POR: variants seen among roughly 807,000 people sequenced by gnomAD.
POR encodes the protein cytochrome p450 oxidoreductase, also known as NADPH--cytochrome P450 reductase.
A neutral mutation model predicts 84.0 loss-of-function variants in POR; 56 were observed. That is an observed-to-expected ratio of 0.67 (90% CI 0.54 to 0.83). The LOEUF (loss-of-function observed/expected upper bound fraction) is 0.83. Among genes scored for constraint, POR ranks in the 40% least tolerant of loss-of-function variants. The pLI is 0.00. For synonymous variants in POR, 414 were observed against 400.5 expected, an observed-to-expected ratio of 1.03 and a Z score of -0.40; for missense variants, 938 against 944.3, an observed-to-expected ratio of 0.99 and a Z score of 0.09.
At chr7:75,980,637 C>T in intron 5 of POR, 149 bp downstream of exon 5, 1 of 1,562,900 alleles carries the variant, frequency 6.4e-7, no homozygotes, top group Non-Finnish European at 8.6e-7. Context: ...CTCTCCTCTG[C>T]CCCAGACCCC....
In POR at chr7:75,986,344, C is replaced by A. The variant is rs782380878; in HGVS notation, c.1906C>A (p.Arg636=). The change falls in exon 16 of 16, where the codon CGG becomes AGG. Residue 636 remains arginine (R), a synonymous_variant. Transcript: ENST00000461988. ...CCCCCTCTTCCTGCCCAGGGATGCA[C>A]GGAACATGGCCAGGGATGTGCAGAA... 2 of 1,612,502 alleles carry A rather than the reference C, an allele frequency of 1.2e-6. No individual in the cohort carries two copies. Among genetic ancestry groups the A allele is most frequent in the South Asian group, 2.2e-5 (2 of 91,076 alleles).
At chr7:75,978,990 T>G (rs1210327504) in intron 3 of POR, among the ~76,000 whole-genome samples, 2 of 151,276 alleles carry the variant, frequency 1.3e-5, no homozygotes, top group Admixed American at 1.3e-4. Context: ...AGAGATGGAG[T>G]TTCACCATGT....
intron 1 of POR, among the ~76,000 whole-genome samples, chr7:75,938,786 A>G (rs1430566187): frequency 6.6e-6 from 1 of 152,172 alleles, no homozygotes; most frequent in Admixed American, 6.5e-5. Context: ...CTTATTCGCC[A>G]TCTATGCATC....
chr7:75,925,403 T>C (rs1807064820), intron 1 of POR, among the ~76,000 whole-genome samples: 1 of 152,144 alleles, frequency 6.6e-6, no homozygotes, highest in Non-Finnish European at 1.5e-5. Context: ...TGTGCACCTG[T>C]AGTCCCAGCT....
At chr7:75,951,586 C>T (rs1412711697) in intron 1 of POR, among the ~76,000 whole-genome samples, 1 of 152,132 alleles carries the variant, frequency 6.6e-6, no homozygotes, top group South Asian at 2.1e-4. Context: ...CCAGACCAGC[C>T]CCATGGTTTC....
intron 1 of POR, among the ~76,000 whole-genome samples, chr7:75,919,384 T>TGC (rs782674771): frequency 3.4e-5 from 5 of 146,984 alleles, no homozygotes; most frequent in Admixed American, 2.7e-4. Flanking sequence ...TGTGCGTGCG[T>TGC]GTGTGTGTGT....
At chr7:75,957,017 C>T (rs1787717623) in intron 2 of POR, among the ~76,000 whole-genome samples, 1 of 152,226 alleles carries the variant, frequency 6.6e-6, no homozygotes, top group Non-Finnish European at 1.5e-5. Flanking sequence ...TGAGCCACCA[C>T]ACCCGGCCAC....
chr7:75,979,859 A>C, intron 4 of POR: 1 of 414,698 alleles, frequency 2.4e-6, no homozygotes, highest in South Asian at 2.7e-5. Context: ...CATCTCCCAA[A>C]CCAAACCCAC....
At chr7:75,979,716 G>A (rs72553998) in intron 4 of POR, 137 bp downstream of exon 4, 184 of 1,244,532 alleles carry the variant, frequency 1.5e-4, no homozygotes, top group African/African-American at 4.1e-4. Flanking sequence ...TTGCCTTCCC[G>A]TGAGGGTCAT....
At chr7:75,982,034 C>T (rs895443019) in intron 7 of POR, 190 bp from the exon 8 acceptor site, 22 of 604,228 alleles carry the variant, frequency 3.6e-5, no homozygotes, top group African/African-American at 2.7e-4. Flanking sequence ...GGCAGCTCCA[C>T]GCCGCCTCCC....
rs142864869 is a variant in POR at position 75,960,292 on chromosome 7, AAATAAT to A, written c.188+6135_188+6140del. 9.2e-3 allele frequency among the ~76,000 whole-genome samples: 1,370 copies of A among 149,042 alleles called. 23 individuals are homozygous for A. Among genetic ancestry groups the A allele is most frequent in the African/African-American group, 0.032 (1,308 of 40,400 alleles). The stretch of plus-strand genomic sequence containing the variant: ...GGCGACAGAGCAAGACCCCCTCTCA[AAATAAT>A]AATAATAATAATAATAATAATATAT... On this transcript the variant is annotated intron_variant, in intron 2 of 15. Coordinates refer to ENST00000461988, the MANE Select transcript of POR (RefSeq NM_000941.3).
In POR at chr7:75,980,745, A is replaced by G. The variant is rs538048162; in HGVS notation, c.516+257A>G. On this transcript the variant is annotated intron_variant, in intron 5 of 15. Transcript: ENST00000461988. ...AAGGCAAGAAAGGTCTGGCTGGACG[A>G]CTGAGACCTGCCTGGCCTCGGAGAG... 3.4e-4 allele frequency: 500 copies of G among 1,470,708 alleles called. 11 individuals carry two copies. The East Asian group carries it at 0.013, about 37-fold the overall frequency. The allele number at this position is 1,470,708 out of a possible 1,614,324, so 91.1% of individuals were successfully genotyped here.
At chr7:75,980,725 A>C in intron 5 of POR, 1 of 1,509,310 alleles carries the variant, frequency 6.6e-7, no homozygotes, top group Non-Finnish European at 8.9e-7. Flanking sequence ...GACTAAAGGC[A>C]AGAAAGGTCT....
Position 75,986,508 on chromosome 7 carries a change from A to G in POR, c.*27A>G. On this transcript the variant is annotated 3_prime_UTR_variant, in exon 16 of 16. Coordinates refer to ENST00000461988, the MANE Select transcript of POR (RefSeq NM_000941.3). Reference sequence around the variant, plus strand: ...GGCCTGCCTGCCCCACCCACCCCACAGACTCCGGCCTGTAATCAGCTCTCC... The same window carrying G: ...GGCCTGCCTGCCCCACCCACCCCACGGACTCCGGCCTGTAATCAGCTCTCC... 6.2e-7 allele frequency: 1 copy of G among 1,600,524 alleles called. No homozygotes were observed. Among genetic ancestry groups the G allele is most frequent in the South Asian group, 1.1e-5 (1 of 90,480 alleles).
rs782340178 is a variant in POR at position 75,985,165 on chromosome 7, G to T, written c.1356G>T (p.Pro452=). 2.5e-6 allele frequency: 4 copies of T among 1,598,946 alleles called. No individual in the cohort carries two copies. The highest frequency in any genetic ancestry group is 3.4e-6 in the Non-Finnish European group (4 of 1,179,278). ...TCGACCACCTGTGTGAGCTGCTGCC[G>T]CGCCTGCAGGCCCGCTACTACTCCA... Residue 452 remains proline (P), a synonymous_variant, in exon 12 of 16, where the codon CCG becomes CCT. Transcript: ENST00000461988.
intron 6 of POR, 62 bp from the exon 7 acceptor site, chr7:75,981,455 C>A: frequency 6.8e-7 from 1 of 1,471,336 alleles, no homozygotes; most frequent in Non-Finnish European, 9.3e-7. Context: ...GTGCCTGGCA[C>A]CAGGTACCGT....
chr7:75,982,841 G>A (rs1789136678), intron 8 of POR, among the ~76,000 whole-genome samples: 1 of 152,174 alleles, frequency 6.6e-6, no homozygotes, highest in African/African-American at 2.4e-5. Flanking sequence ...TGGCTTTCCG[G>A]AGTGCAAGTT....
intron 1 of POR, among the ~76,000 whole-genome samples, chr7:75,951,963 G>T (rs1007725837): frequency 1.3e-5 from 2 of 151,738 alleles, no homozygotes; most frequent in Admixed American, 1.3e-4. Context: ...CGGGCGGGGG[G>T]CTGACCCCCC....
At chr7:75,925,129 CT>C (rs1448464816) in intron 1 of POR, among the ~76,000 whole-genome samples, 1 of 152,158 alleles carries the variant, frequency 6.6e-6, no homozygotes, top group Non-Finnish European at 1.5e-5. Context: ...GCACACAGCT[CT>C]GCCCAGAGCT....
Sources: gnomAD v4.1 joint callset for allele counts (sites outside exome capture counted in the v4.1 genomes callset) on GRCh38, gnomAD v4.1.1 for gene constraint, MANE v1.5 for transcripts, NCBI Gene and HGNC (gene_info 2026-07-23, HGNC 2026-07-21) for gene names.